FAM135A: variants seen among roughly 807,000 people sequenced by gnomAD.
FAM135A encodes the protein family with sequence similarity 135 member A.
FAM135A carries 79 observed loss-of-function variants against 146.8 expected under a neutral mutation model. That is an observed-to-expected ratio of 0.54 (90% confidence interval 0.45 to 0.65). The LOEUF is 0.65. Ranked by LOEUF, FAM135A falls within the 30% of genes least tolerant of loss-of-function variation. FAM135A has a pLI of 0.00. For synonymous variants in FAM135A, 562 were observed against 603.6 expected, an observed-to-expected ratio of 0.93 and a Z score of 1.01; for missense variants, 1,623 against 1,758.2, an observed-to-expected ratio of 0.92 and a Z score of 1.38.
At chr6:70,552,393 T>G (rs1799983647) in intron 20 of FAM135A, among the ~76,000 whole-genome samples, 1 of 148,530 alleles carries the variant, frequency 6.7e-6, no homozygotes, top group Non-Finnish European at 1.5e-5. Flanking sequence ...GTGTCCTTAG[T>G]GAATGGCAGC....
At chr6:70,534,257 ATATGTATATGATAT>A (rs1796364837) in intron 18 of FAM135A, among the ~76,000 whole-genome samples, 2 of 148,580 alleles carry the variant, frequency 1.3e-5, no homozygotes, top group South Asian at 4.2e-4. Flanking sequence ...TGTATATGAT[ATATGTATATGATAT>A]ATGTATATGA....
chr6:70,551,606 C>A (rs920275783), intron 20 of FAM135A, among the ~76,000 whole-genome samples: 5 of 152,120 alleles, frequency 3.3e-5, no homozygotes, highest in African/African-American at 1.2e-4. Flanking sequence ...GAGACCCTGT[C>A]TCAAAAAATA....
intron 4 of FAM135A, among the ~76,000 whole-genome samples, chr6:70,440,888 C>G (rs1200534659): frequency 6.6e-6 from 1 of 152,068 alleles, no homozygotes; most frequent in East Asian, 1.9e-4. Context: ...CATTTATTAG[C>G]TGGAATTCTG....
intron 5 of FAM135A, among the ~76,000 whole-genome samples, chr6:70,467,739 C>G (rs1460345496): frequency 6.6e-6 from 1 of 151,984 alleles, no homozygotes; most frequent in African/African-American, 2.4e-5. Flanking sequence ...CTCCTTCCCT[C>G]TCTCTCATCG....
intron 11 of FAM135A, among the ~76,000 whole-genome samples, chr6:70,491,580 G>C (rs898186009): frequency 1.3e-5 from 2 of 151,800 alleles, no homozygotes; most frequent in African/African-American, 4.8e-5. Flanking sequence ...CTCTTGGTCA[G>C]CTACATTAAT....
intron 20 of FAM135A, among the ~76,000 whole-genome samples, chr6:70,542,231 T>C (rs1372120333): frequency 7.1e-6 from 1 of 140,750 alleles, no homozygotes; most frequent in Admixed American, 7.2e-5. Context: ...TCTGATTCTC[T>C]GTTTTCTTTT....
chr6:70,546,330 T>C (rs1798859903), intron 20 of FAM135A, among the ~76,000 whole-genome samples: 1 of 152,212 alleles, frequency 6.6e-6, no homozygotes, highest in Non-Finnish European at 1.5e-5. Flanking sequence ...GATGCCCTGG[T>C]TTGATTATTG....
intron 5 of FAM135A, among the ~76,000 whole-genome samples, chr6:70,457,315 T>A (rs1398008077): frequency 6.6e-6 from 1 of 152,230 alleles, no homozygotes; most frequent in African/African-American, 2.4e-5. Context: ...TATTTGATAG[T>A]GACAGGGTGG....
intron 5 of FAM135A, among the ~76,000 whole-genome samples, chr6:70,473,889 T>C (rs577566753): frequency 2.0e-5 from 3 of 152,314 alleles, no homozygotes; most frequent in South Asian, 2.1e-4. Flanking sequence ...GCTGCTCCTC[T>C]GTAAAGACGC....
chr6:70,467,165 G>C (rs74749095), intron 5 of FAM135A, among the ~76,000 whole-genome samples: 19,809 of 152,082 alleles, frequency 0.13, 1,528 homozygotes, highest in Middle Eastern at 0.19. Flanking sequence ...ACCCTTAACA[G>C]TTATTTGGAA....
chr6:70,462,493 A>G (rs1266617961), intron 5 of FAM135A, among the ~76,000 whole-genome samples: 2 of 152,144 alleles, frequency 1.3e-5, no homozygotes, highest in Non-Finnish European at 2.9e-5. Flanking sequence ...AAATGGAGGG[A>G]AAAAGGGAAA....
chr6:70,542,062 G>A (rs746159044), intron 20 of FAM135A, among the ~76,000 whole-genome samples: 25 of 151,972 alleles, frequency 1.6e-4, no homozygotes, highest in Non-Finnish European at 2.9e-4. Context: ...TCACTTCCTC[G>A]TTAGACGAAA....
chr6:70,503,765 A>G (rs117953126), intron 12 of FAM135A: 2 of 152,104 alleles, frequency 1.3e-5, no homozygotes, highest in African/African-American at 4.8e-5. Flanking sequence ...ATTCTTCTCT[A>G]TCTTGCTTTT....
At chr6:70,454,998 T>C (rs1454970211) in intron 5 of FAM135A, among the ~76,000 whole-genome samples, 2 of 152,302 alleles carry the variant, frequency 1.3e-5, no homozygotes, top group Non-Finnish European at 2.9e-5. Context: ...GGGATGGCAT[T>C]GAATCTATAA....
At chr6:70,417,020 G>C (rs1008259264) in intron 2 of FAM135A, among the ~76,000 whole-genome samples, 1 of 151,962 alleles carries the variant, frequency 6.6e-6, no homozygotes, top group Non-Finnish European at 1.5e-5. Flanking sequence ...TTTCCTAATA[G>C]AAATGTAAAA....
At chr6:70,490,130 G>A (rs1785591739) in intron 10 of FAM135A, among the ~76,000 whole-genome samples, 1 of 150,940 alleles carries the variant, frequency 6.6e-6, no homozygotes, top group Non-Finnish European at 1.5e-5. Context: ...TTACAAATTA[G>A]TCAGCTGATG....
intron 10 of FAM135A, among the ~76,000 whole-genome samples, chr6:70,484,366 C>T (rs1341341699): frequency 6.6e-6 from 1 of 151,884 alleles, no homozygotes; most frequent in Non-Finnish European, 1.5e-5. Flanking sequence ...AACATATGAA[C>T]CACATTTTAA....
intron 4 of FAM135A, among the ~76,000 whole-genome samples, chr6:70,441,453 T>C (rs1032147699): frequency 4.6e-5 from 7 of 152,094 alleles, no homozygotes; most frequent in African/African-American, 1.7e-4. Context: ...TTCAGGTTGG[T>C]TTCTGTGAAT....
Position 70,525,082 on chromosome 6 carries a change from T to C in FAM135A, c.1998T>C (p.Pro666=). The C allele has an allele frequency of 6.3e-7, 1 of 1,575,208 alleles. No individual in the cohort carries two copies. Among genetic ancestry groups the C allele is most frequent in the Non-Finnish European group, 8.6e-7 (1 of 1,166,514 alleles). ...TIEIKPSNKD[P]FSGENITVKL... ...AAATAAAGCCCAGTAATAAAGATCC[T>C]TTCAGTGGAGAGAATATAACTGTCA... The change falls in exon 15 of 22, where the codon CCT becomes CCC. Residue 666 remains proline, a synonymous_variant. Coordinates refer to ENST00000418814, the MANE Select transcript of FAM135A (RefSeq NM_001162529.3).
Sources: allele counts gnomAD v4.1 joint callset (sites outside exome capture counted in the v4.1 genomes callset), GRCh38; gene constraint gnomAD v4.1.1; transcripts MANE v1.5; gene names NCBI Gene and HGNC (gene_info 2026-07-23, HGNC 2026-07-21).